The following PPP2R5C variants were observed in gnomAD, a reference collection of about 807,000 sequenced individuals.
PPP2R5C encodes protein phosphatase 2 regulatory subunit B'gamma, also known as serine/threonine-protein phosphatase 2A 56 kDa regulatory subunit gamma isoform.
In PPP2R5C, 7 loss-of-function variants were observed where a neutral mutation model predicts 68.9. That is an observed-to-expected ratio of 0.10 (90% CI 0.06 to 0.19). The LOEUF (loss-of-function observed/expected upper bound fraction) is 0.19, where lower values mean the gene tolerates loss of function less well. Among genes scored for constraint, PPP2R5C ranks in the 10% least tolerant of loss-of-function variants. The pLI is 1.00. For missense variants in PPP2R5C, 348 were observed against 641.3 expected, an observed-to-expected ratio of 0.54 and a Z score of 4.94; for synonymous variants, 210 against 222.2, an observed-to-expected ratio of 0.95 and a Z score of 0.49.
rs545561420 is a variant in PPP2R5C at position 101,853,000 on chromosome 14, A to G, written c.95-3686A>G. 2.0e-5 allele frequency among the ~76,000 whole-genome samples: 3 copies of G among 152,332 alleles called. No homozygotes were observed. The East Asian group carries it at 5.8e-4, about 29-fold the overall frequency. On this transcript the variant is annotated intron_variant, in intron 1 of 13. Coordinates refer to ENST00000334743, the Ensembl canonical transcript of PPP2R5C. ...TATACAAGTATGAGGCATTTGTAATAACACTTTACTGTTACAAATCAGAAT... is the reference window on the plus strand; with the variant it reads ...TATACAAGTATGAGGCATTTGTAATGACACTTTACTGTTACAAATCAGAAT...
intron 10 of PPP2R5C, among the ~76,000 whole-genome samples, chr14:101,909,284 A>G (rs575208982): frequency 1.3e-5 from 2 of 152,310 alleles, no homozygotes; most frequent in South Asian, 4.1e-4. Flanking sequence ...ATTTTGTCTT[A>G]ACTATATTTG....
chr14:101,924,445 C>CTTTTTTTTTTTTTTTTTTT lies in PPP2R5C; in HGVS notation c.1444-684_1444-683insTTTTTTTTTTTTTTTTTTT, dbSNP rs11325673. On this transcript the variant is annotated intron_variant, in intron 13 of 13. Transcript: ENST00000334743. Reference sequence around the variant, plus strand: ...TTTACCTCCAAGGAAATTTCTACATCTTTTTTTTTTTTGAGATGGAGTCTG... The same window carrying CTTTTTTTTTTTTTTTTTTT: ...TTTACCTCCAAGGAAATTTCTACATCTTTTTTTTTTTTTTTTTTTTTTTTTTTTTTTGAGATGGAGTCTG... Among the ~76,000 whole-genome samples, 186 of 84,434 alleles carry CTTTTTTTTTTTTTTTTTTT rather than the reference C, an allele frequency of 2.2e-3. 31 individuals are homozygous for CTTTTTTTTTTTTTTTTTTT. The highest frequency in any genetic ancestry group is 0.013 in the Middle Eastern group (2 of 154). 55.4% of individuals were successfully genotyped at this position (84,434 alleles called of 152,430 possible). A position where few individuals can be genotyped will look rare whatever the true frequency, so the allele number is the denominator to read the frequency against.
intron 1 of PPP2R5C, among the ~76,000 whole-genome samples, chr14:101,826,380 C>T (rs1934207818): frequency 6.6e-6 from 1 of 152,158 alleles, no homozygotes; most frequent in Non-Finnish European, 1.5e-5. Flanking sequence ...TTTCCCAGAA[C>T]CATTTGTTGA....
At chr14:101,864,208 G>T (rs1477949804) in intron 2 of PPP2R5C, among the ~76,000 whole-genome samples, 1 of 152,144 alleles carries the variant, frequency 6.6e-6, no homozygotes, top group Non-Finnish European at 1.5e-5. Context: ...CGTCTTAACA[G>T]TCACAGATGA....
rs530662585 is a variant in PPP2R5C, at chr14:101,858,860, C to T, written c.294+1975C>T. Among the ~76,000 whole-genome samples the T allele has an allele frequency of 3.9e-5, 6 of 152,242 alleles. No individual in the cohort carries two copies. In the South Asian group the frequency reaches 6.2e-4, roughly 16 times the overall value. On this transcript the variant is annotated intron_variant, in intron 2 of 13. Transcript: ENST00000334743. ...CCCGCCCTTGAACCGAGTGTGCTCC[C>T]GACTGCTTGAAACCGCCTCTCGTTT...
chr14:101,814,029 TTAA>T (rs1448851613), intron 1 of PPP2R5C, among the ~76,000 whole-genome samples: 1 of 152,250 alleles, frequency 6.6e-6, no homozygotes, highest in Non-Finnish European at 1.5e-5. Flanking sequence ...TTAACCTATA[TTAA>T]TAATAACAAT....
chr14:101,846,966 C>G (rs2041864373), intron 1 of PPP2R5C, among the ~76,000 whole-genome samples: 1 of 152,214 alleles, frequency 6.6e-6, no homozygotes, highest in African/African-American at 2.4e-5. Context: ...AGAGAAATGC[C>G]TACTAAGAGC....
rs527660028 is a variant in PPP2R5C at position 101,917,614 on chromosome 14, G to A, written c.1327-217G>A. Among the ~76,000 whole-genome samples, 18 of 152,258 alleles carry A rather than the reference G, an allele frequency of 1.2e-4. No homozygotes were observed. The highest frequency in any genetic ancestry group is 3.6e-4 in the African/African-American group (15 of 41,534). On this transcript the variant is annotated intron_variant, in intron 12 of 13. Transcript: ENST00000334743. The surrounding 1 kb of genome is among the most constrained non-coding windows in gnomAD (Gnocchi z 4.4). ...CCATCAGATGCAGAGGGGTCAGGAGGGGACCAGCTGCTTTACTGTCTCCAC... is the reference window on the plus strand; with the variant it reads ...CCATCAGATGCAGAGGGGTCAGGAGAGGACCAGCTGCTTTACTGTCTCCAC...
At position 101,906,273 on chromosome 14, in the gene PPP2R5C, A is replaced by T; in HGVS notation, c.1024-129A>T. The T allele has an allele frequency of 4.8e-6, 5 of 1,052,564 alleles. No individual in the cohort carries two copies. The highest frequency in any genetic ancestry group is 6.7e-6 in the Non-Finnish European group (5 of 742,006). 65.2% of individuals were successfully genotyped at this position (1,052,564 alleles called of 1,614,324 possible). A position where few individuals can be genotyped will look rare whatever the true frequency, so the allele number is the denominator to read the frequency against. On this transcript the variant is annotated intron_variant, in intron 9 of 13. Transcript: ENST00000334743. The surrounding 1 kb of genome is among the most constrained non-coding windows in gnomAD (Gnocchi z 4.0). ...CAGGTTACAGTCTAGAATATTTTGA[A>T]TTTGTAGAAATAATCATAATTTTCT...
chr14:101,844,158 T>C (rs1394274310), intron 1 of PPP2R5C: 1 of 151,388 alleles, frequency 6.6e-6, no homozygotes, highest in African/African-American at 2.4e-5. Context: ...TTTTTTTTTT[T>C]GAGTTGATGG....
chr14:101,831,574 A>G (rs1182514752), intron 1 of PPP2R5C: 1 of 501,450 alleles, frequency 2.0e-6, no homozygotes, highest in South Asian at 3.4e-5. Flanking sequence ...GAGTTGTAAG[A>G]TGGGACACAA....
intron 5 of PPP2R5C, among the ~76,000 whole-genome samples, chr14:101,885,507 G>A (rs145916482): frequency 2.2e-5 from 3 of 135,948 alleles, no homozygotes; most frequent in South Asian, 2.2e-4. Context: ...GTGCCGGCTT[G>A]CACAGCCTGC....
chr14:101,774,049 A>G (rs1413367873), intron 2 of PPP2R5C, among the ~76,000 whole-genome samples: 1 of 152,232 alleles, frequency 6.6e-6, no homozygotes, highest in Non-Finnish European at 1.5e-5. Context: ...TGTTTTGAGT[A>G]GGGAAGTAAG....
At chr14:101,856,984 T>G (rs1244085259) in intron 2 of PPP2R5C, 99 bp downstream of exon 4, 11 of 1,124,174 alleles carry the variant, frequency 9.8e-6, no homozygotes, top group Non-Finnish European at 1.2e-5. Flanking sequence ...AGGAGAAGAA[T>G]CCTCCTGTTC....
In PPP2R5C at chr14:101,899,464, C is replaced by G. The variant is rs981288161; in HGVS notation, c.853-2255C>G. Among the ~76,000 whole-genome samples, 2 of 152,224 alleles carry G rather than the reference C, an allele frequency of 1.3e-5. No homozygotes were observed. The highest frequency in any genetic ancestry group is 4.8e-5 in the African/African-American group (2 of 41,458). On this transcript the variant is annotated intron_variant, in intron 8 of 13. Coordinates refer to ENST00000334743, the Ensembl canonical transcript of PPP2R5C. This position sits in a 1 kb window ranked among gnomAD's most constrained non-coding sequence, Gnocchi z 4.2. ...CGGATTCACATTCCCTGAGTAGACA[C>G]CCTCCTCCACAGAGCACGCCACACT...
intron 2 of PPP2R5C, among the ~76,000 whole-genome samples, chr14:101,772,019 G>A (rs543392822): frequency 6.6e-5 from 10 of 152,294 alleles, no homozygotes. Context: ...CAGCTACTCT[G>A]TTGACCAGCA....
chr14:101,779,423 G>C (rs2037570758), intron 2 of PPP2R5C, among the ~76,000 whole-genome samples: 1 of 152,280 alleles, frequency 6.6e-6, no homozygotes, highest in Non-Finnish European at 1.5e-5. Flanking sequence ...ACATTAAAGA[G>C]AATGGCATTT....
intron 7 of PPP2R5C, 83 bp from the exon 10 acceptor site, chr14:101,894,424 A>G: frequency 7.7e-7 from 1 of 1,303,224 alleles, no homozygotes; most frequent in Non-Finnish European, 1.1e-6. Flanking sequence ...TGCTGTGGGA[A>G]GGTGTTTAAC....
rs11325673 is a variant in PPP2R5C, at chr14:101,924,445, C to CTTTTTTT, written c.1444-690_1444-684dup. Among the ~76,000 whole-genome samples the CTTTTTTT allele has an allele frequency of 3.3e-3, 278 of 84,528 alleles. 65 individuals carry two copies. In the South Asian group the frequency reaches 0.12, roughly 36 times the overall value. 55.5% of individuals were successfully genotyped at this position (84,528 alleles called of 152,430 possible). A position where few individuals can be genotyped will look rare whatever the true frequency, so the allele number is the denominator to read the frequency against. On this transcript the variant is annotated intron_variant, in intron 13 of 13. Coordinates refer to ENST00000334743, the Ensembl canonical transcript of PPP2R5C. The stretch of plus-strand genomic sequence containing the variant: ...TTTACCTCCAAGGAAATTTCTACAT[C>CTTTTTTT]TTTTTTTTTTTTGAGATGGAGTCTG...
Sources: gnomAD v4.1 joint callset for allele counts (sites outside exome capture counted in the v4.1 genomes callset) on GRCh38, gnomAD v4.1.1 for gene constraint, Gnocchi (gnomAD v3.1) non-coding constraint, MANE v1.5 for transcripts, NCBI Gene and HGNC (gene_info 2026-07-23, HGNC 2026-07-21) for gene names.